FAM13B: variants seen among roughly 807,000 people sequenced by gnomAD.
FAM13B encodes protein FAM13B.
In FAM13B, 60 loss-of-function variants were observed where a neutral mutation model predicts 117.3. The ratio of observed to expected loss-of-function variants is 0.51; its 90% CI spans 0.42 to 0.63. The LOEUF (loss-of-function observed/expected upper bound fraction) is 0.63. Ranked by LOEUF, FAM13B falls within the 30% of genes least tolerant of loss-of-function variation. The pLI is 0.00. For synonymous variants in FAM13B, 332 were observed against 356.1 expected (o/e 0.93, Z 0.76); for missense variants, 972 against 1,091.9 (o/e 0.89, Z 1.55).
intron 11 of FAM13B, among the ~76,000 whole-genome samples, chr5:137,961,985 C>G (rs1768250943): frequency 6.6e-6 from 1 of 152,130 alleles, no homozygotes; most frequent in Non-Finnish European, 1.5e-5. Context: ...CTGAGACACA[C>G]CAAGGATAAA....
chr5:137,962,356 G>C (rs1312664636), intron 11 of FAM13B, 49 bp downstream of exon 11: 4 of 1,527,424 alleles, frequency 2.6e-6, no homozygotes, highest in Non-Finnish European at 3.6e-6. Flanking sequence ...AATCTGTGAA[G>C]AGCTCCAATT....
rs748866534 is a variant in FAM13B at position 137,956,501 on chromosome 5, T to C, written c.1483A>G (p.Met495Val). 76 of 1,601,684 alleles carry C rather than the reference T, an allele frequency of 4.7e-5. 1 individual carries two copies. Among genetic ancestry groups the C allele is most frequent in the South Asian group, 1.1e-4 (10 of 88,180 alleles). ...ITFPLIDFKT[M>V]HLQRDGEEPF... is the part of the protein sequence containing the mutation. ...CCCTCCCCATCTCTCTGCAGATGCA[T>C]TGTTTTGAAATCAATGAGGGGAAAA... Residue 495 changes from methionine (M) to valine (V), a missense_variant, in exon 14 of 24, where the codon ATG (methionine) becomes GTG (valine). Met to Val is a conservative substitution (Grantham distance 21). Coordinates refer to ENST00000689681, the MANE Select transcript of FAM13B (RefSeq NM_001385994.1).
intron 1 of FAM13B, among the ~76,000 whole-genome samples, chr5:138,022,253 T>TAG (rs201961391): frequency 4.6e-5 from 7 of 151,890 alleles, no homozygotes; most frequent in Admixed American, 1.3e-4. Context: ...GCAATTAGAC[T>TAG]AGAGAGAGAG....
chr5:138,000,948 A>C lies in FAM13B; in HGVS notation c.848+6042T>G, dbSNP rs906563832. ...CTGTCTCAAAAAACAAAAAACAAAA[A>C]AAAAAAAAACAGCATCTTTCCAAAC... On this transcript the variant is annotated intron_variant, in intron 7 of 23. Transcript: ENST00000689681. Among the ~76,000 whole-genome samples, 912 of 151,948 alleles carry C rather than the reference A, an allele frequency of 6.0e-3. 19 individuals carry two copies. The highest frequency in any genetic ancestry group is 6.2e-3 in the Non-Finnish European group (419 of 67,974).
At chr5:137,965,833 G>C (rs937232009) in intron 10 of FAM13B, among the ~76,000 whole-genome samples, 2 of 152,148 alleles carry the variant, frequency 1.3e-5, no homozygotes, top group Non-Finnish European at 2.9e-5. Flanking sequence ...TGTTTGCAAG[G>C]TATGAATAAT....
At chr5:138,044,570 G>A (rs4033318) in intron 1 of FAM13B, among the ~76,000 whole-genome samples, 109,323 of 148,442 alleles carry the variant, frequency 0.74, 40,905 homozygotes, top group East Asian at 0.97. Context: ...AAAAAAAAAC[G>A]GATAATATAA....
intron 1 of FAM13B, among the ~76,000 whole-genome samples, chr5:138,050,669 C>G (rs1467590799): frequency 6.6e-6 from 1 of 152,104 alleles, no homozygotes; most frequent in Non-Finnish European, 1.5e-5. Flanking sequence ...ACCTGTTAAC[C>G]TCTCCCATAC....
intron 13 of FAM13B, 143 bp downstream of exon 13, chr5:137,959,473 C>G: frequency 1.2e-6 from 1 of 840,248 alleles, no homozygotes; most frequent in African/African-American, 1.7e-5. Context: ...AAAACACCCA[C>G]TTGTTCATCT....
rs181921744 is a variant in FAM13B at position 138,043,299 on chromosome 5, G to A, written c.-203+8579C>T. Among the ~76,000 whole-genome samples the A allele has an allele frequency of 7.7e-3, 1,168 of 152,234 alleles. 8 individuals are homozygous for A. The highest frequency in any genetic ancestry group is 0.013 in the Non-Finnish European group (879 of 68,016). ...GAGGATTGCTTGAGGCCAGGTCAAA[G>A]CTGCAGTGATCCATGATTGTGCCAC... On this transcript the variant is annotated intron_variant, in intron 1 of 3. Transcript: ENST00000502471.
At chr5:138,032,536 G>A (rs933436883) in intron 1 of FAM13B, among the ~76,000 whole-genome samples, 1 of 152,182 alleles carries the variant, frequency 6.6e-6, no homozygotes, top group African/African-American at 2.4e-5. Context: ...CACTGCAGCC[G>A]CTGCAAATCC....
chr5:138,020,610 G>GA (rs1343103998), intron 2 of FAM13B, among the ~76,000 whole-genome samples: 6 of 151,834 alleles, frequency 4.0e-5, no homozygotes, highest in African/African-American at 1.4e-4. Context: ...GTAAAAGAAA[G>GA]AAAAACTCAA....
upstream of FAM13B, among the ~76,000 whole-genome samples, chr5:138,037,741 G>T (rs1791294494): frequency 6.6e-6 from 1 of 152,112 alleles, no homozygotes; most frequent in Non-Finnish European, 1.5e-5. Context: ...AGATTAACTT[G>T]AGTTCAGTCA....
upstream of FAM13B, among the ~76,000 whole-genome samples, chr5:138,035,212 T>G (rs991515303): frequency 1.3e-5 from 2 of 151,678 alleles, no homozygotes; most frequent in Non-Finnish European, 2.9e-5. Context: ...GGTTTCCCTA[T>G]GTTGCCCAGG....
intron 7 of FAM13B, among the ~76,000 whole-genome samples, chr5:138,000,846 C>G (rs1481537215): frequency 6.6e-6 from 1 of 151,456 alleles, no homozygotes; most frequent in African/African-American, 2.4e-5. Context: ...CGCAATAATC[C>G]CTTAACTCTG....
intron 10 of FAM13B, among the ~76,000 whole-genome samples, chr5:137,965,955 A>G (rs1365270454): frequency 2.7e-5 from 4 of 150,774 alleles, no homozygotes; most frequent in African/African-American, 9.8e-5. Context: ...TCAACTTCAT[A>G]CACTTTTTTT....
intron 14 of FAM13B, among the ~76,000 whole-genome samples, chr5:137,955,951 C>T (rs1766417165): frequency 6.6e-6 from 1 of 152,036 alleles, no homozygotes; most frequent in African/African-American, 2.4e-5. Flanking sequence ...TAAGTAACTA[C>T]ACTTAAAAAT....
intron 14 of FAM13B, among the ~76,000 whole-genome samples, chr5:137,955,133 T>G (rs1766137858): frequency 6.6e-6 from 1 of 152,196 alleles, no homozygotes; most frequent in Non-Finnish European, 1.5e-5. Context: ...CTTAGAAATT[T>G]AATTTAAAAG....
At chr5:138,008,007 CAG>C (rs991250416) in intron 6 of FAM13B, among the ~76,000 whole-genome samples, 11 of 152,252 alleles carry the variant, frequency 7.2e-5, no homozygotes, top group African/African-American at 2.6e-4. Flanking sequence ...CTACATGTAA[CAG>C]TGGTGTTTTT....
At chr5:138,032,668 C>T in intron 1 of FAM13B, 114 bp downstream of exon 1, 1 of 953,550 alleles carries the variant, frequency 1.0e-6, no homozygotes, top group African/African-American at 1.8e-5. Context: ...CGAAACGCAA[C>T]GCCCGAGAGC....
Sources: allele counts gnomAD v4.1 joint callset (sites outside exome capture counted in the v4.1 genomes callset), GRCh38; gene constraint gnomAD v4.1.1; transcripts MANE v1.5; gene names NCBI Gene and HGNC (gene_info 2026-07-23, HGNC 2026-07-21).